DNAH5: variants seen among roughly 807,000 people sequenced by gnomAD.
DNAH5 encodes the protein axonemal beta dynein heavy chain 5.
In DNAH5, 372 loss-of-function variants were observed where a neutral mutation model predicts 518.2. That is an observed-to-expected ratio of 0.72 (90% CI 0.66 to 0.78). DNAH5 has a LOEUF of 0.78. DNAH5 is among the 30% of genes least tolerant of loss of function. DNAH5 has a pLI of 0.00. For synonymous variants in DNAH5, 2,039 were observed against 2,025.9 expected, an observed-to-expected ratio of 1.01 and a Z score of -0.17; for missense variants, 5,523 against 5,687.0, an observed-to-expected ratio of 0.97 and a Z score of 0.93.
At chr5:13,839,607 T>A (rs1234712629) in intron 34 of DNAH5, 79 bp from the exon 35 acceptor site, 1 of 1,278,928 alleles carries the variant, frequency 7.8e-7, no homozygotes, top group East Asian at 2.3e-5. Flanking sequence ...TTCATGTAGA[T>A]CATAAAGTGA....
intron 1 of DNAH5, among the ~76,000 whole-genome samples, chr5:13,966,118 A>T (rs2582702): frequency 3.5e-4 from 54 of 152,160 alleles, no homozygotes; most frequent in Non-Finnish European, 6.0e-4. Context: ...TTCACTCTAC[A>T]TGAATAATGG....
chr5:13,906,386 C>G (rs903875830), intron 12 of DNAH5, among the ~76,000 whole-genome samples: 1 of 152,148 alleles, frequency 6.6e-6, no homozygotes, highest in Admixed American at 6.5e-5. Context: ...AATCTCTGTA[C>G]TTCCTCTCAA....
intron 1 of DNAH5, among the ~76,000 whole-genome samples, chr5:13,940,589 T>C (rs1779364791): frequency 6.6e-6 from 1 of 152,156 alleles, no homozygotes; most frequent in Non-Finnish European, 1.5e-5. Flanking sequence ...CTGATTTATC[T>C]GGTCAGGTGC....
At chr5:13,883,230 T>G in intron 19 of DNAH5, 136 bp from the exon 20 acceptor site, 1 of 983,978 alleles carries the variant, frequency 1.0e-6, no homozygotes. Context: ...AATGAGTCAA[T>G]TAAAACTAAT....
chr5:13,955,664 C>T (rs1780715646), intron 1 of DNAH5, among the ~76,000 whole-genome samples: 1 of 151,900 alleles, frequency 6.6e-6, no homozygotes, highest in Admixed American at 6.6e-5. Flanking sequence ...AGGCTGAAGG[C>T]AATTTTTCTC....
intron 41 of DNAH5, among the ~76,000 whole-genome samples, chr5:13,819,870 T>G (rs1761987987): frequency 6.6e-6 from 1 of 151,860 alleles, no homozygotes; most frequent in South Asian, 2.1e-4. Flanking sequence ...AACATAAGAG[T>G]TGGGTTTGGA....
chr5:13,751,352 T>C (rs1750199828), intron 64 of DNAH5, 92 bp from the exon 65 acceptor site: 2 of 1,234,436 alleles, frequency 1.6e-6, no homozygotes, highest in Middle Eastern at 2.7e-4. Flanking sequence ...TTTAAATAAT[T>C]ACATAATTGG....
At position 13,793,459 on chromosome 5, in the gene DNAH5, G is replaced by T. The variant is rs567872355; in HGVS notation, c.8224+56C>A. 160 of 1,484,942 alleles carry T rather than the reference G, an allele frequency of 1.1e-4. No homozygotes were observed. The African/African-American group carries it at 1.9e-3, about 17-fold the overall frequency. The allele number at this position is 1,484,942 out of a possible 1,614,324, so 92.0% of individuals were successfully genotyped here. ...GTCTTGGGTGAAGATTTTCAAAAAG[G>T]AACCCAAGCAGGTGTTCTTCCTCAC... On this transcript the variant is annotated intron_variant, in intron 49 of 78. Coordinates refer to ENST00000265104, the MANE Select transcript of DNAH5 (RefSeq NM_001369.3).
At chr5:13,729,076 A>G (rs1746146455) in intron 69 of DNAH5, among the ~76,000 whole-genome samples, 1 of 152,206 alleles carries the variant, frequency 6.6e-6, no homozygotes, top group Non-Finnish European at 1.5e-5. Context: ...AGCTGTTCAT[A>G]TGTCTTTTCA....
intron 1 of DNAH5, among the ~76,000 whole-genome samples, chr5:13,942,773 C>T (rs536912153): frequency 3.2e-4 from 49 of 152,290 alleles, no homozygotes; most frequent in Non-Finnish European, 6.9e-4. Flanking sequence ...TGCCCTGCTC[C>T]TTGGCTACAA....
chr5:13,758,056 A>G (rs1751249144), intron 61 of DNAH5, among the ~76,000 whole-genome samples: 1 of 151,998 alleles, frequency 6.6e-6, no homozygotes, highest in African/African-American at 2.4e-5. Context: ...AAGCTTATAT[A>G]CTCTAGAGAG....
intron 71 of DNAH5, among the ~76,000 whole-genome samples, chr5:13,720,439 C>G (rs1579902676): frequency 6.6e-6 from 1 of 152,256 alleles, no homozygotes; most frequent in Non-Finnish European, 1.5e-5. Context: ...GTTCTGTCAC[C>G]CAGGCTGGAC....
rs118083561 is a variant in DNAH5, at chr5:14,005,207, T to C, written c.12+6441A>G. Among the ~76,000 whole-genome samples, 3 of 152,266 alleles carry C rather than the reference T, an allele frequency of 2.0e-5. No homozygotes were observed. In the East Asian group the frequency reaches 5.8e-4, roughly 29 times the overall value. ...CACATTGTTACCTTCCATTTCATCA[T>C]CTAACCTCAACTCAAGCATCGCCTT... is the stretch of plus-strand genomic sequence containing the variant. On this transcript the variant is annotated intron_variant, in intron 1 of 78. Coordinates refer to the DNAH5 transcript ENST00000681290.
intron 14 of DNAH5, chr5:13,900,664 G>C: frequency 1.9e-6 from 1 of 522,564 alleles, no homozygotes; most frequent in South Asian, 2.2e-5. Flanking sequence ...TAAATAAGTG[G>C]ACACTGCAAC....
Position 13,777,371 on chromosome 5 carries a change from CA to C in DNAH5, c.8952-17del. On this transcript the variant is annotated splice_polypyrimidine_tract_variant and intron_variant, in intron 53 of 78. Coordinates refer to ENST00000265104, the MANE Select transcript of DNAH5 (RefSeq NM_001369.3). ...GTTGTAGGATCTAAAGAAATATTTT[CA>C]TTTTGTCATTAGCTAAAATATTTTC... 6.2e-7 allele frequency: 1 copy of C among 1,610,084 alleles called. No individual in the cohort carries two copies. Among genetic ancestry groups the C allele is most frequent in the Non-Finnish European group, 8.5e-7 (1 of 1,177,210 alleles).
At position 13,963,022 on chromosome 5, in the gene DNAH5, G is replaced by A. The variant is rs59027208; in HGVS notation, c.13-31778C>T. ...GAGCATCTCCCTGCCCAAGTGCTCCGCCATTTTGAGAACCAGCCACCTTCT... is the reference window on the plus strand; with the variant it reads ...GAGCATCTCCCTGCCCAAGTGCTCCACCATTTTGAGAACCAGCCACCTTCT... On this transcript the variant is annotated intron_variant, in intron 1 of 78. Transcript: ENST00000681290. Among the ~76,000 whole-genome samples, 426 of 152,104 alleles carry A rather than the reference G, an allele frequency of 2.8e-3. 1 individual carries two copies. The highest frequency in any genetic ancestry group is 9.9e-3 in the African/African-American group (411 of 41,516).
intron 78 of DNAH5, among the ~76,000 whole-genome samples, chr5:13,698,051 G>C (rs1741599140): frequency 6.6e-6 from 1 of 152,218 alleles, no homozygotes; most frequent in Non-Finnish European, 1.5e-5. Context: ...CAGTGAGATA[G>C]TTATTGCAAG....
At position 13,708,306 on chromosome 5, in the gene DNAH5, T is replaced by A. The variant is rs202103048; in HGVS notation, c.13155A>T (p.Pro4385=). ...TGAGGAAAATGTTCATAGGCTGGAA[T>A]GGCCCCATCTTCTGCAGCCTCTCTT... ...EVKERLQKMG[P]FQPMNIFLRQ... is the part of the protein sequence containing the mutation. The change falls in exon 76 of 79, where the codon CCA becomes CCT. Residue 4385 remains proline, a synonymous_variant. Transcript: ENST00000265104. 8.2e-5 allele frequency: 132 copies of A among 1,614,002 alleles called. No homozygotes were observed. The highest frequency in any genetic ancestry group is 2.2e-5 in the East Asian group (1 of 44,898).
chr5:13,762,590 G>C, intron 60 of DNAH5, 132 bp downstream of exon 60: 1 of 774,726 alleles, frequency 1.3e-6, no homozygotes, highest in South Asian at 1.5e-5. Context: ...GCCTTTCTAT[G>C]CTCACTCTCC....
Sources: gnomAD v4.1 joint callset for allele counts (sites outside exome capture counted in the v4.1 genomes callset) on GRCh38, gnomAD v4.1.1 for gene constraint, MANE v1.5 for transcripts, NCBI Gene and HGNC (gene_info 2026-07-23, HGNC 2026-07-21) for gene names.